Variants in ACOT8 observed in about 807,000 individuals in gnomAD.
The protein encoded by ACOT8 is acyl-CoA thioesterase 8, also known as acyl-coenzyme A thioesterase 8.
In ACOT8, 31 loss-of-function variants were observed where a neutral mutation model predicts 38.4. The ratio of observed to expected loss-of-function variants is 0.81; its 90% CI spans 0.61 to 1.09. The LOEUF (loss-of-function observed/expected upper bound fraction) is 1.09. Ranked by LOEUF, ACOT8 falls within the 50% of genes least tolerant of loss-of-function variation. ACOT8 has a pLI of 0.00. For missense variants in ACOT8, 373 were observed against 421.8 expected (o/e 0.88, Z 1.01); for synonymous variants, 158 against 170.3 (o/e 0.93, Z 0.56).
At position 45,855,312 on chromosome 20, in the gene ACOT8, G is replaced by C; in HGVS notation, c.129-20C>G. ...CTTCCTCTGTAGGGAGAGGGGGAAA[G>C]AGGGAAAGACTTGGGAACTGGGCCA... On this transcript the variant is annotated intron_variant, in intron 1 of 5. Transcript: ENST00000217455. 1.2e-6 allele frequency: 2 copies of C among 1,613,552 alleles called. No individual in the cohort carries two copies. The highest frequency in any genetic ancestry group is 2.2e-5 in the East Asian group (1 of 44,886).
intron 4 of ACOT8, chr20:45,843,953 G>A (rs1984472959): frequency 2.3e-6 from 2 of 878,800 alleles, no homozygotes; most frequent in African/African-American, 1.7e-5. Flanking sequence ...TCCCACTCTA[G>A]GCCCCAAAAG....
chr20:45,849,944 C>A (rs906404381), intron 2 of ACOT8, among the ~76,000 whole-genome samples: 1 of 152,106 alleles, frequency 6.6e-6, no homozygotes, highest in African/African-American at 2.4e-5. Flanking sequence ...CACGGTGGCT[C>A]ACACCTGTAA....
rs1984449294 is a variant in ACOT8 at position 45,843,725 on chromosome 20, C to T, written c.647-4G>A. ...TGCATCTTCATGTCGCCCTCGCCTGCAACAGGTCCCCATCAGCCCTGGGCT... is the reference window on the plus strand; with the variant it reads ...TGCATCTTCATGTCGCCCTCGCCTGTAACAGGTCCCCATCAGCCCTGGGCT... On this transcript the variant is annotated splice_region_variant and splice_polypyrimidine_tract_variant and intron_variant, in intron 4 of 5. Transcript: ENST00000217455. 3.7e-6 allele frequency: 6 copies of T among 1,605,748 alleles called. No homozygotes were observed. The highest frequency in any genetic ancestry group is 5.1e-6 in the Non-Finnish European group (6 of 1,173,516).
rs115100724 is a variant in ACOT8 at position 45,852,072 on chromosome 20, C to T, written c.262+3087G>A. Among the ~76,000 whole-genome samples the T allele has an allele frequency of 2.5e-3, 384 of 152,240 alleles. 5 individuals carry two copies. The highest frequency in any genetic ancestry group is 9.0e-3 in the African/African-American group (375 of 41,530). On this transcript the variant is annotated intron_variant, in intron 2 of 5. Transcript: ENST00000217455. Reference sequence around the variant, plus strand: ...TGGCGCAGTTTTAGCTCACTGCGACCTCCAGCCGCCGGGTTCAAGCAATTC... The same window carrying T: ...TGGCGCAGTTTTAGCTCACTGCGACTTCCAGCCGCCGGGTTCAAGCAATTC...
rs1389470320 is a variant in ACOT8 at position 45,841,893 on chromosome 20, C to A, written c.905G>T (p.Cys302Phe). 4 of 1,611,980 alleles carry A rather than the reference C, an allele frequency of 2.5e-6. No homozygotes were observed. In the South Asian group the frequency reaches 4.4e-5, roughly 18 times the overall value. Residue 302 changes from cysteine to phenylalanine, a missense_variant, in exon 6 of 6, where the codon TGT (cysteine) becomes TTT (phenylalanine). Coordinates refer to ENST00000217455, the MANE Select transcript of ACOT8 (RefSeq NM_005469.4). The stretch of plus-strand genomic sequence containing the variant: ...CACTCGGATCACGCCCTCCTGGGCA[C>A]AGGTCACAGCTAGGACTCCATCCTG... ...WRQDGVLAVT[C>F]AQEGVIRVKP...
intron 5 of ACOT8, 72 bp from the exon 6 acceptor site, chr20:45,842,028 AAC>A: frequency 1.3e-6 from 2 of 1,571,340 alleles, no homozygotes; most frequent in Non-Finnish European, 1.7e-6. Context: ...TTTTTCCTGA[AAC>A]AGAGTCTCAC....
At chr20:45,852,230 C>T (rs971516032) in intron 2 of ACOT8, among the ~76,000 whole-genome samples, 2 of 151,542 alleles carry the variant, frequency 1.3e-5, no homozygotes, top group African/African-American at 4.8e-5. Context: ...TACAGTAGCA[C>T]GATCTCAGCT....
intron 3 of ACOT8, among the ~76,000 whole-genome samples, chr20:45,844,927 T>A (rs1307384068): frequency 6.6e-6 from 1 of 152,160 alleles, no homozygotes; most frequent in Non-Finnish European, 1.5e-5. Flanking sequence ...ATGATTATTT[T>A]CTATTTTTTT....
In ACOT8 at chr20:45,844,317, G is replaced by C. The variant is rs1323337588; in HGVS notation, c.592C>G (p.Leu198Val). ...ATCTGTTTGGGCTCCATTCTCTGCA[G>C]CTGGCTCAGGGGGGATGGGTTTACT... ...KPVNPSPLSQ[L>V]QRMEPKQMFW... Residue 198 changes from leucine to valine, a missense_variant, in exon 4 of 6, where the codon CTG (leucine) becomes GTG (valine). Transcript: ENST00000217455. 6.2e-7 allele frequency: 1 copy of C among 1,614,066 alleles called. No individual in the cohort carries two copies. Among genetic ancestry groups the C allele is most frequent in the Non-Finnish European group, 8.5e-7 (1 of 1,180,028 alleles).
At position 45,857,388 on chromosome 20, in the gene ACOT8, C is replaced by G. The variant is rs371300255; in HGVS notation, c.-73G>C. ...GAGACATACACAGAACCTGACTCTT[C>G]CGGCAGATTGCCCTAGTAACCGGAA... is the stretch of plus-strand genomic sequence containing the variant. On this transcript the variant is annotated 5_prime_UTR_variant, in exon 1 of 6. Coordinates refer to ENST00000217455, the MANE Select transcript of ACOT8 (RefSeq NM_005469.4). 31 of 1,506,516 alleles carry G rather than the reference C, an allele frequency of 2.1e-5. No homozygotes were observed. In the East Asian group the frequency reaches 3.8e-4, roughly 18 times the overall value. The allele number at this position is 1,506,516 out of a possible 1,614,324, so 93.3% of individuals were successfully genotyped here.
intron 2 of ACOT8, among the ~76,000 whole-genome samples, chr20:45,852,231 G>C (rs190502588): frequency 1.3e-5 from 2 of 151,482 alleles, no homozygotes; most frequent in Non-Finnish European, 2.9e-5. Flanking sequence ...ACAGTAGCAC[G>C]ATCTCAGCTC....
chr20:45,842,230 C>T, intron 5 of ACOT8: 1 of 1,448,188 alleles, frequency 6.9e-7, no homozygotes, highest in Admixed American at 2.7e-5. Context: ...CCAAATGCCC[C>T]TTCATGAGCT....
chr20:45,852,126 C>T (rs1601099173), intron 2 of ACOT8, among the ~76,000 whole-genome samples: 1 of 151,930 alleles, frequency 6.6e-6, no homozygotes, highest in Non-Finnish European at 1.5e-5. Context: ...CCTCAGCCTC[C>T]CGAGTAGCTG....
At chr20:45,843,481 T>C (rs774580087) in intron 5 of ACOT8, 46 bp downstream of exon 5, 6 of 1,591,310 alleles carry the variant, frequency 3.8e-6, no homozygotes, top group African/African-American at 1.3e-5. Flanking sequence ...AGCAGGCTCC[T>C]GCCACTCAAG....
At chr20:45,846,199 G>A (rs1396293040) in intron 3 of ACOT8, among the ~76,000 whole-genome samples, 1 of 152,174 alleles carries the variant, frequency 6.6e-6, no homozygotes, top group Non-Finnish European at 1.5e-5. Flanking sequence ...CTTATTAACA[G>A]CACAGATCTA....
intron 2 of ACOT8, 27 bp from the exon 3 acceptor site, chr20:45,848,702 G>T: frequency 6.4e-7 from 1 of 1,567,532 alleles, no homozygotes. Flanking sequence ...GACACAGTGG[G>T]TCCACAGGCC....
At chr20:45,847,558 C>G (rs1193135068) in intron 3 of ACOT8, 2 of 150,644 alleles carry the variant, frequency 1.3e-5, no homozygotes, top group African/African-American at 2.4e-5. Flanking sequence ...TGGTGAAACG[C>G]CATCTCTACT....
chr20:45,849,265 G>T (rs1009527264), intron 2 of ACOT8, among the ~76,000 whole-genome samples: 6 of 152,072 alleles, frequency 3.9e-5, no homozygotes, highest in Non-Finnish European at 7.4e-5. Flanking sequence ...ACAAACAAAG[G>T]CTATTTATTC....
At chr20:45,856,794 G>C (rs1985474844) in intron 1 of ACOT8, among the ~76,000 whole-genome samples, 1 of 152,364 alleles carries the variant, frequency 6.6e-6, no homozygotes. Context: ...AAATGGTACT[G>C]GGGGCGGGAT....
Sources: allele counts gnomAD v4.1 joint callset (sites outside exome capture counted in the v4.1 genomes callset), GRCh38; gene constraint gnomAD v4.1.1; transcripts MANE v1.5; gene names NCBI Gene and HGNC (gene_info 2026-07-23, HGNC 2026-07-21).